Variants in DLC1 observed in about 807,000 individuals in gnomAD.
The protein encoded by DLC1 is DLC1 Rho GTPase activating protein.
A neutral mutation model predicts 140.3 loss-of-function variants in DLC1; 54 were observed. The observed-to-expected ratio is 0.38, with a 90% CI of 0.31 to 0.48. DLC1 has a LOEUF of 0.48. Ranked by LOEUF, DLC1 falls within the 20% of genes least tolerant of loss-of-function variation. The probability of loss-of-function intolerance (pLI) is 0.96; values close to 1 mark genes in which losing one functional copy is unlikely to be tolerated. For synonymous variants in DLC1, 986 were observed against 728.1 expected (o/e 1.35, Z -5.70); for missense variants, 2,536 against 1,907.0 (o/e 1.33, Z -6.14).
chr8:13,090,598 G>A (rs1817974553), intron 14 of DLC1, 128 bp from the exon 15 acceptor site: 2 of 1,048,534 alleles, frequency 1.9e-6, no homozygotes, highest in South Asian at 1.6e-5. Flanking sequence ...CTTCCCGCCG[G>A]AGGTGGGCTA....
At chr8:13,304,620 A>G (rs1331086804) in intron 5 of DLC1, 2 of 878,152 alleles carry the variant, frequency 2.3e-6, no homozygotes, top group East Asian at 2.4e-4. Context: ...AAGTTAGATA[A>G]TATACCTTTA....
chr8:13,196,893 CT>C (rs1374457426), intron 5 of DLC1, among the ~76,000 whole-genome samples: 1 of 152,172 alleles, frequency 6.6e-6, no homozygotes, highest in Non-Finnish European at 1.5e-5. Flanking sequence ...GATTCTACTA[CT>C]TCAGAGGGAT....
intron 1 of DLC1, among the ~76,000 whole-genome samples, chr8:13,588,164 C>T (rs1484631010): frequency 4.6e-5 from 7 of 151,630 alleles, no homozygotes; most frequent in Admixed American, 1.3e-4. Context: ...TTTGAAGGCC[C>T]GAAATTACAT....
intron 2 of DLC1, among the ~76,000 whole-genome samples, chr8:13,463,203 G>T (rs896421140): frequency 6.6e-6 from 1 of 151,958 alleles, no homozygotes; most frequent in African/African-American, 2.4e-5. Context: ...GTAACTAGGT[G>T]TGACTGAATA....
intron 2 of DLC1, among the ~76,000 whole-genome samples, chr8:13,462,364 C>T (rs940184586): frequency 2.6e-5 from 4 of 151,432 alleles, no homozygotes; most frequent in Admixed American, 2.0e-4. Flanking sequence ...ACAATGTATC[C>T]TGAACAAGAG....
chr8:13,307,729 A>C (rs1024942957), intron 4 of DLC1, among the ~76,000 whole-genome samples: 6 of 152,196 alleles, frequency 3.9e-5, no homozygotes, highest in Non-Finnish European at 7.4e-5. Flanking sequence ...TAGTTTGTGT[A>C]TGACCCAGTT....
chr8:13,099,662 C>A lies in DLC1; in HGVS notation c.2675G>T (p.Gly892Val), dbSNP rs764476923. 4.3e-6 allele frequency: 7 copies of A among 1,614,194 alleles called. No homozygotes were observed. Among genetic ancestry groups the A allele is most frequent in the Non-Finnish European group, 5.1e-6 (6 of 1,180,038 alleles). Residue 892 changes from glycine (G) to valine (V), a missense_variant, in exon 9 of 18, where the codon GGG becomes GTG. Gly to Val is a moderately radical substitution (Grantham distance 109, BLOSUM62 -3). Transcript: ENST00000276297. ...CTCGTTCTCCAGATCCGCCAGGTCC[C>A]CTGAACTGGAGTAGAGGATGGAGCC... ...VPGSILYSSS[G>V]DLADLENEDI...
intron 1 of DLC1, among the ~76,000 whole-genome samples, chr8:13,520,502 T>C (rs967510898): frequency 6.6e-6 from 1 of 151,946 alleles, no homozygotes; most frequent in Admixed American, 6.6e-5. Flanking sequence ...GGGATAACAT[T>C]AGGAGAAATA....
chr8:13,381,782 T>C (rs972029798), intron 4 of DLC1, among the ~76,000 whole-genome samples: 7 of 152,118 alleles, frequency 4.6e-5, no homozygotes, highest in African/African-American at 1.7e-4. Context: ...TGGGACATAA[T>C]AGATGATCAG....
chr8:13,483,123 T>C (rs929952676), intron 2 of DLC1, among the ~76,000 whole-genome samples: 2 of 152,206 alleles, frequency 1.3e-5, no homozygotes, highest in African/African-American at 4.8e-5. Context: ...CCTCTACTTA[T>C]GGCTGCATCG....
At chr8:13,148,070 T>C (rs117872036) in intron 5 of DLC1, among the ~76,000 whole-genome samples, 1,976 of 152,290 alleles carry the variant, frequency 0.013, 63 homozygotes, top group Admixed American at 0.061. Flanking sequence ...AGAAATGATG[T>C]ACTGTTTTGT....
At chr8:13,390,815 C>A (rs56139124) in intron 4 of DLC1, among the ~76,000 whole-genome samples, 23,322 of 151,678 alleles carry the variant, frequency 0.15, 1,894 homozygotes, top group South Asian at 0.19. Context: ...GTGAAACCGT[C>A]TCTCTACTAA....
intron 1 of DLC1, chr8:13,584,259 A>G (rs898216680): frequency 6.5e-6 from 1 of 153,706 alleles, no homozygotes; most frequent in East Asian, 1.9e-4. Flanking sequence ...CTGAGGCTGC[A>G]CTGTAAAGAT....
intron 5 of DLC1, among the ~76,000 whole-genome samples, chr8:13,167,564 C>T (rs182117866): frequency 5.9e-5 from 9 of 152,208 alleles, no homozygotes; most frequent in East Asian, 3.9e-4. Flanking sequence ...TGATGGGTGA[C>T]GCCTGAAATC....
At chr8:13,113,079 C>G (rs1032925754) in intron 6 of DLC1, among the ~76,000 whole-genome samples, 2 of 152,224 alleles carry the variant, frequency 1.3e-5, no homozygotes, top group Middle Eastern at 6.8e-3. Flanking sequence ...TTTAAAAAAT[C>G]TGGTAGGTAT....
chr8:13,100,159 G>A lies in DLC1; in HGVS notation c.2178C>T (p.Val726=). 3 of 1,614,142 alleles carry A rather than the reference G, an allele frequency of 1.9e-6. No individual in the cohort carries two copies. The highest frequency in any genetic ancestry group is 2.5e-6 in the Non-Finnish European group (3 of 1,180,032). The change falls in exon 9 of 18, where the codon GTC becomes GTT. Residue 726 remains valine, a synonymous_variant. Coordinates refer to ENST00000276297, the MANE Select transcript of DLC1 (RefSeq NM_182643.3). ...AAACGCTCCTCTTTCGTACCATGGG[G>A]ACGTTGATGCGGTTGCCATTGAGGG... ...ISALNGNRIN[V]PMVRKRSVSN...
chr8:13,161,795 T>C (rs1050859275), intron 5 of DLC1, among the ~76,000 whole-genome samples: 34 of 152,330 alleles, frequency 2.2e-4, no homozygotes, highest in African/African-American at 7.9e-4. Flanking sequence ...ATACACTGAT[T>C]CTTAACCTGT....
chr8:13,197,601 G>C (rs35448088), intron 5 of DLC1, among the ~76,000 whole-genome samples: 69,616 of 151,676 alleles, frequency 0.46, 16,550 homozygotes, highest in East Asian at 0.84. Flanking sequence ...CTGCCTCGGC[G>C]TCCCAAAGTG....
At chr8:13,414,882 C>T (rs1475526168) in intron 2 of DLC1, among the ~76,000 whole-genome samples, 5 of 152,072 alleles carry the variant, frequency 3.3e-5, no homozygotes, top group African/African-American at 1.2e-4. Flanking sequence ...TCAATCTCGG[C>T]CCACTGCAAC....
Sources: allele counts gnomAD v4.1 joint callset (sites outside exome capture counted in the v4.1 genomes callset), GRCh38; gene constraint gnomAD v4.1.1; transcripts MANE v1.5; gene names NCBI Gene and HGNC (gene_info 2026-07-23, HGNC 2026-07-21).